FGF18: variants seen among roughly 807,000 people sequenced by gnomAD.
FGF18 encodes fibroblast growth factor 18.
FGF18 carries 5 observed loss-of-function variants against 23.0 expected under a neutral mutation model. The observed-to-expected ratio is 0.22, with a 90% CI of 0.11 to 0.46. FGF18 has a LOEUF of 0.46. Ranked by LOEUF, FGF18 falls within the 20% of genes least tolerant of loss-of-function variation. The pLI is 0.99. For synonymous variants in FGF18, 117 were observed against 118.9 expected (o/e 0.98, Z 0.10); for missense variants, 180 against 291.6 (o/e 0.62, Z 2.79).
chr5:171,442,039 C>T (rs1021271278), intron 3 of FGF18, among the ~76,000 whole-genome samples: 3 of 152,246 alleles, frequency 2.0e-5, no homozygotes, highest in South Asian at 2.1e-4. Context: ...CTATCTCCAC[C>T]TAAACCCCTG....
In FGF18 at chr5:171,441,054, C is replaced by T. The variant is rs556396464; in HGVS notation, c.250+4781C>T. On this transcript the variant is annotated intron_variant, in intron 3 of 4. Transcript: ENST00000274625. Reference sequence around the variant, plus strand: ...ATGTACAGGGCAACTCAAAGTGTAACCGGGGGCTGCCGTCAGTGGCTCACA... The same window carrying T: ...ATGTACAGGGCAACTCAAAGTGTAATCGGGGGCTGCCGTCAGTGGCTCACA... 5.3e-5 allele frequency among the ~76,000 whole-genome samples: 8 copies of T among 152,312 alleles called. 1 individual carries two copies. The South Asian group carries it at 1.7e-3, about 32-fold the overall frequency.
At chr5:171,430,909 A>G (rs185425921) in intron 2 of FGF18, among the ~76,000 whole-genome samples, 2 of 152,328 alleles carry the variant, frequency 1.3e-5, no homozygotes, top group Admixed American at 1.3e-4. Context: ...ACTGAGAGCT[A>G]AAGAAGTCGA....
At chr5:171,437,734 C>G (rs953873635) in intron 3 of FGF18, among the ~76,000 whole-genome samples, 11 of 152,196 alleles carry the variant, frequency 7.2e-5, no homozygotes, top group Admixed American at 7.2e-4. Context: ...TCCCTCGGAT[C>G]TGCTGTCCAG....
chr5:171,420,835 A>G (rs1380608978), intron 2 of FGF18, among the ~76,000 whole-genome samples: 1 of 152,218 alleles, frequency 6.6e-6, no homozygotes, highest in Non-Finnish European at 1.5e-5. Flanking sequence ...AAACAAAAAG[A>G]CTTTCAGCCG....
intron 4 of FGF18, among the ~76,000 whole-genome samples, chr5:171,455,898 G>C (rs1772573549): frequency 6.6e-6 from 1 of 152,148 alleles, no homozygotes; most frequent in African/African-American, 2.4e-5. Context: ...ATTTCTGAAT[G>C]ACAATGGGAG....
At position 171,440,686 on chromosome 5, in the gene FGF18, G is replaced by T. The variant is rs1772328739; in HGVS notation, c.250+4413G>T. 6.6e-6 allele frequency among the ~76,000 whole-genome samples: 1 copy of T among 152,164 alleles called. No individual in the cohort carries two copies. Among genetic ancestry groups the T allele is most frequent in the Non-Finnish European group, 1.5e-5 (1 of 68,026 alleles). On this transcript the variant is annotated intron_variant, in intron 3 of 4. Coordinates refer to ENST00000274625, the MANE Select transcript of FGF18 (RefSeq NM_003862.3). This position sits in a 1 kb window ranked among gnomAD's most constrained non-coding sequence, Gnocchi z 4.0. ...CCTCGGTTTCCCCACCTGTAATGTG[G>T]GTGGGGTAAAGGGTGTGCAGCTGGT... is the stretch of plus-strand genomic sequence containing the variant.
At chr5:171,424,881 TC>T (rs34161409) in intron 2 of FGF18, among the ~76,000 whole-genome samples, 1 of 151,896 alleles carries the variant, frequency 6.6e-6, no homozygotes, top group African/African-American at 2.4e-5. Context: ...GGGGCGGGGC[TC>T]CCCATCAGCA....
At chr5:171,438,398 C>T (rs1002214107) in intron 3 of FGF18, among the ~76,000 whole-genome samples, 1 of 151,858 alleles carries the variant, frequency 6.6e-6, no homozygotes, top group Non-Finnish European at 1.5e-5. Context: ...ATGGCCGCGC[C>T]CGGCCATGCT....
At chr5:171,446,213 A>ATG (rs1772417270) in intron 3 of FGF18, among the ~76,000 whole-genome samples, 1 of 151,956 alleles carries the variant, frequency 6.6e-6, no homozygotes, top group African/African-American at 2.4e-5. Context: ...GACCCTCCCC[A>ATG]TGCTGGGGTG....
intron 2 of FGF18, among the ~76,000 whole-genome samples, chr5:171,430,481 A>G (rs1772164430): frequency 6.6e-6 from 1 of 151,402 alleles, no homozygotes; most frequent in South Asian, 2.1e-4. Flanking sequence ...TGATTAAGAA[A>G]CAAAACTAAA....
At chr5:171,422,407 A>G (rs988283683) in intron 2 of FGF18, among the ~76,000 whole-genome samples, 2 of 152,002 alleles carry the variant, frequency 1.3e-5, no homozygotes, top group Admixed American at 6.6e-5. Flanking sequence ...TTTTTAACCC[A>G]TGGTCCATGT....
rs574869165 is a variant in FGF18, at chr5:171,457,600, A to T, written c.*795A>T. ...AGTATTACTGCCTCAACAATTAAAA[A>T]CAACAGACAAATTATTTAAAAAACC... is the stretch of plus-strand genomic sequence containing the variant. On this transcript the variant is annotated 3_prime_UTR_variant, in exon 5 of 5. Coordinates refer to ENST00000274625, the MANE Select transcript of FGF18 (RefSeq NM_003862.3). The T allele has an allele frequency of 3.3e-5, 5 of 152,278 alleles. No individual in the cohort carries two copies. The highest frequency in any genetic ancestry group is 1.2e-4 in the African/African-American group (5 of 41,518). 9.4% of individuals were successfully genotyped at this position (152,278 alleles called of 1,614,324 possible). A position where few individuals can be genotyped will look rare whatever the true frequency, so the allele number is the denominator to read the frequency against.
rs1581273963 is a variant in FGF18 at position 171,436,409 on chromosome 5, TCTGTTTC to T, written c.250+140_250+146del. On this transcript the variant is annotated intron_variant, in intron 3 of 4. Transcript: ENST00000274625. The surrounding 1 kb of genome is among the most constrained non-coding windows in gnomAD (Gnocchi z 4.4). Reference sequence around the variant, plus strand: ...GGACCTGGCACTGACCCTTTCTGGGTCTGTTTCCTGATCTATAAAATGGGGATGCAAT... The same window carrying T: ...GGACCTGGCACTGACCCTTTCTGGGTCTGATCTATAAAATGGGGATGCAAT... 20 of 609,074 alleles carry T rather than the reference TCTGTTTC, an allele frequency of 3.3e-5. No homozygotes were observed. The East Asian group carries it at 6.8e-4, about 21-fold the overall frequency. 37.7% of individuals were successfully genotyped at this position (609,074 alleles called of 1,614,324 possible).
At position 171,451,086 on chromosome 5, in the gene FGF18, C is replaced by T. The variant is rs935465106; in HGVS notation, c.357+1833C>T. Among the ~76,000 whole-genome samples, 1 of 150,950 alleles carries T rather than the reference C, an allele frequency of 6.6e-6. No individual in the cohort carries two copies. Among genetic ancestry groups the T allele is most frequent in the Admixed American group, 6.6e-5 (1 of 15,224 alleles). On this transcript the variant is annotated intron_variant, in intron 4 of 4. Transcript: ENST00000274625. The surrounding 1 kb of genome is among the most constrained non-coding windows in gnomAD (Gnocchi z 4.5). Reference sequence around the variant, plus strand: ...CCCGCCGCCGGCCGCCTCCCGCCCGCGGGCGAGCCGCTGAGTCACCGCTTC... The same window carrying T: ...CCCGCCGCCGGCCGCCTCCCGCCCGTGGGCGAGCCGCTGAGTCACCGCTTC...
At chr5:171,429,288 CTG>C (rs559186252) in intron 2 of FGF18, among the ~76,000 whole-genome samples, 67 of 152,258 alleles carry the variant, frequency 4.4e-4, no homozygotes, top group Non-Finnish European at 9.0e-4. Flanking sequence ...CGTGGCCTCT[CTG>C]TGTCTTCCTT....
At chr5:171,450,055 C>T (rs955173017) in intron 4 of FGF18, among the ~76,000 whole-genome samples, 2 of 151,354 alleles carry the variant, frequency 1.3e-5, no homozygotes, top group Non-Finnish European at 2.9e-5. Flanking sequence ...GGGACTGACT[C>T]CCATATGCAG....
At chr5:171,426,541 G>A (rs977764286) in intron 2 of FGF18, among the ~76,000 whole-genome samples, 1 of 152,220 alleles carries the variant, frequency 6.6e-6, no homozygotes, top group Non-Finnish European at 1.5e-5. Flanking sequence ...GCTTTGGTCC[G>A]GCTTGCTAGC....
chr5:171,437,371 G>A (rs879318758), intron 3 of FGF18, among the ~76,000 whole-genome samples: 16 of 152,192 alleles, frequency 1.1e-4, no homozygotes, highest in Admixed American at 7.9e-4. Context: ...CAGCTGCACC[G>A]TCACTGGGGG....
chr5:171,447,177 C>T (rs1448203348), intron 3 of FGF18, among the ~76,000 whole-genome samples: 1 of 152,144 alleles, frequency 6.6e-6, no homozygotes, highest in Non-Finnish European at 1.5e-5. Flanking sequence ...AACTGAGGGC[C>T]ACAGTCATAC....
Sources: allele counts gnomAD v4.1 joint callset (sites outside exome capture counted in the v4.1 genomes callset), GRCh38; gene constraint gnomAD v4.1.1; non-coding constraint Gnocchi (gnomAD v3.1); transcripts MANE v1.5; gene names NCBI Gene and HGNC (gene_info 2026-07-23, HGNC 2026-07-21).